Variants in CLHC1 observed in about 807,000 individuals in gnomAD.
CLHC1 encodes the protein clathrin heavy chain linker domain containing 1, also known as clathrin heavy chain linker domain-containing protein 1.
In CLHC1, 72 loss-of-function variants were observed where a neutral mutation model predicts 69.5. The observed-to-expected ratio is 1.04, with a 90% CI of 0.86 to 1.26. The LOEUF is 1.26. Ranked by LOEUF, CLHC1 falls within the 50% of genes most tolerant of loss-of-function variation. The pLI, the probability that CLHC1 is intolerant of heterozygous loss-of-function variation, is 0.00. For synonymous variants in CLHC1, 223 were observed against 224.3 expected (o/e 0.99, Z 0.05); for missense variants, 790 against 679.3 (o/e 1.16, Z -1.81).
intron 3 of CLHC1, chr2:55,218,543 T>C (rs1404683326): frequency 6.6e-6 from 1 of 152,110 alleles, no homozygotes; most frequent in Non-Finnish European, 1.5e-5. Flanking sequence ...CTTCAAATGG[T>C]GTTTAGGCAT....
chr2:55,191,925 C>G (rs1445482089), intron 9 of CLHC1, among the ~76,000 whole-genome samples: 1 of 152,086 alleles, frequency 6.6e-6, no homozygotes, highest in Non-Finnish European at 1.5e-5. Flanking sequence ...TCCCTTGAGT[C>G]CAGAAGTTTG....
intron 3 of CLHC1, among the ~76,000 whole-genome samples, chr2:55,221,934 G>A (rs1325767396): frequency 6.6e-6 from 1 of 152,176 alleles, no homozygotes; most frequent in Non-Finnish European, 1.5e-5. Flanking sequence ...ATATGAGTGT[G>A]CCACTGCACT....
intron 3 of CLHC1, among the ~76,000 whole-genome samples, chr2:55,219,119 A>G (rs1673864342): frequency 6.6e-6 from 1 of 152,186 alleles, no homozygotes; most frequent in African/African-American, 2.4e-5. Flanking sequence ...AATAAAATAG[A>G]GGTCATCAAT....
At chr2:55,229,864 G>A (rs555688014) in intron 1 of CLHC1, among the ~76,000 whole-genome samples, 3 of 152,264 alleles carry the variant, frequency 2.0e-5, no homozygotes, top group South Asian at 2.1e-4. Context: ...ACCTGACGTC[G>A]GGAGTTCCAG....
intron 11 of CLHC1, 115 bp downstream of exon 11, chr2:55,180,395 T>C: frequency 1.5e-6 from 1 of 669,236 alleles, no homozygotes; most frequent in South Asian, 2.0e-5. Context: ...TACTTATTGG[T>C]ATATATAAAA....
In CLHC1 at chr2:55,180,589, T is replaced by C. The variant is rs764914996; in HGVS notation, c.1305A>G (p.Lys435=). 1 of 1,614,122 alleles carries C rather than the reference T, an allele frequency of 6.2e-7. No homozygotes were observed. Among genetic ancestry groups the C allele is most frequent in the East Asian group, 2.2e-5 (1 of 44,864 alleles). ...IVYSECGLHK[K]AILCLCKQGQ... is the part of the protein sequence containing the mutation. ...CCTGTTTACACAAGCAAAGAATAGC[T>C]TTCTTGTGCAGGCCACATTCACTGT... The change falls in exon 11 of 13, where the codon AAA becomes AAG. Residue 435 remains lysine, a synonymous_variant. Coordinates refer to ENST00000401408, the MANE Select transcript of CLHC1 (RefSeq NM_152385.4).
chr2:55,197,165 C>T (rs901546021), intron 9 of CLHC1, among the ~76,000 whole-genome samples: 1 of 152,150 alleles, frequency 6.6e-6, no homozygotes, highest in Non-Finnish European at 1.5e-5. Context: ...GGTCTGGGTC[C>T]AAGCTCAGCC....
intron 11 of CLHC1, among the ~76,000 whole-genome samples, chr2:55,179,357 T>A (rs1669697212): frequency 6.6e-6 from 1 of 151,742 alleles, no homozygotes; most frequent in African/African-American, 2.4e-5. Context: ...CCTCATAGAG[T>A]CAACATAAGG....
intron 2 of CLHC1, chr2:55,224,398 C>T (rs1427137542): frequency 4.6e-6 from 2 of 435,776 alleles, no homozygotes; most frequent in Admixed American, 5.3e-5. Flanking sequence ...GGATGGTCCT[C>T]CTGGAGGAAA....
chr2:55,200,866 T>C (rs1453296000), intron 9 of CLHC1, among the ~76,000 whole-genome samples: 2 of 151,932 alleles, frequency 1.3e-5, no homozygotes, highest in African/African-American at 4.8e-5. Flanking sequence ...TAGAAATCAA[T>C]AAGAAGAGGA....
rs757658513 is a variant in CLHC1, at chr2:55,209,465, A to G, written c.753T>C (p.Ser251=). The change falls in exon 7 of 13, where the codon TCT becomes TCC. Residue 251 remains serine, a synonymous_variant. Transcript: ENST00000401408. ...ISQALSSWVK[S]DMSSPFQDFV... is the part of the protein sequence containing the mutation. Reference sequence around the variant, plus strand: ...AGTCTTGAAATGGGCTGCTCATATCAGATTTTACCCATGAACTAAGTGCCT... The same window carrying G: ...AGTCTTGAAATGGGCTGCTCATATCGGATTTTACCCATGAACTAAGTGCCT... The G allele has an allele frequency of 6.2e-6, 10 of 1,612,614 alleles. No homozygotes were observed. The South Asian group carries it at 1.1e-4, about 18-fold the overall frequency.
chr2:55,196,387 C>T (rs972783358), intron 9 of CLHC1, among the ~76,000 whole-genome samples: 1 of 152,172 alleles, frequency 6.6e-6, no homozygotes, highest in African/African-American at 2.4e-5. Flanking sequence ...GCCACCACTC[C>T]CCCAACCCAG....
In CLHC1 at chr2:55,217,918, CTTTA is replaced by C. The variant is rs749546945; in HGVS notation, c.254_257del (p.Ile85ArgfsTer38). ...GACAAAATGTAGTTCTTCGGTCTTT[CTTTA>C]TTGTCTCAATAAAGGCATCATATTC... On this transcript the variant is annotated frameshift_variant, in exon 4 of 13. Transcript: ENST00000401408. LOFTEE classifies it high-confidence loss of function. The C allele has an allele frequency of 6.2e-7, 1 of 1,601,408 alleles. No individual in the cohort carries two copies. The highest frequency in any genetic ancestry group is 8.5e-7 in the Non-Finnish European group (1 of 1,173,878).
chr2:55,229,729 C>T (rs1675081099), intron 1 of CLHC1, among the ~76,000 whole-genome samples: 1 of 152,198 alleles, frequency 6.6e-6, no homozygotes, highest in Admixed American at 6.5e-5. Context: ...AGATTCGAAG[C>T]CTTTAGAGGC....
chr2:55,226,719 C>A (rs193082554), intron 2 of CLHC1, among the ~76,000 whole-genome samples: 3 of 152,372 alleles, frequency 2.0e-5, no homozygotes, highest in African/African-American at 7.2e-5. Flanking sequence ...GCAACCTTCA[C>A]TTTCTGAATT....
chr2:55,180,957 T>C (rs1281053815), intron 10 of CLHC1, among the ~76,000 whole-genome samples: 2 of 152,244 alleles, frequency 1.3e-5, no homozygotes, highest in African/African-American at 4.8e-5. Context: ...CTAAGAAAAT[T>C]AGATTTCTAC....
chr2:55,187,121 A>T (rs1362194252), intron 9 of CLHC1, among the ~76,000 whole-genome samples: 1 of 151,000 alleles, frequency 6.6e-6, no homozygotes, highest in Non-Finnish European at 1.5e-5. Flanking sequence ...AACAACAAAA[A>T]AATAATAAAA....
Position 55,179,354 on chromosome 2 carries a change from G to A in CLHC1, c.1384+1156C>T, listed in dbSNP as rs79884123. 3.4e-3 allele frequency among the ~76,000 whole-genome samples: 510 copies of A among 151,454 alleles called. 2 individuals carry two copies. The highest frequency in any genetic ancestry group is 0.014 in the Middle Eastern group (4 of 294). ...GGACAATAACAAAACCTACCTCATA[G>A]AGTCAACATAAGGATTAAGTGAGAT... On this transcript the variant is annotated intron_variant, in intron 11 of 12. Transcript: ENST00000401408.
At chr2:55,211,393 T>C (rs913244646) in intron 5 of CLHC1, among the ~76,000 whole-genome samples, 2 of 150,872 alleles carry the variant, frequency 1.3e-5, no homozygotes, top group African/African-American at 4.9e-5. Context: ...TCCCAGCTAC[T>C]CAGGAGGCTG....
Sources: gnomAD v4.1 joint callset for allele counts (sites outside exome capture counted in the v4.1 genomes callset) on GRCh38, gnomAD v4.1.1 for gene constraint, MANE v1.5 for transcripts, NCBI Gene and HGNC (gene_info 2026-07-23, HGNC 2026-07-21) for gene names.